The following PARP16 variants were observed in gnomAD, a reference collection of about 807,000 sequenced individuals.
The protein encoded by PARP16 is protein mono-ADP-ribosyltransferase PARP16.
Under a neutral mutation model 35.0 loss-of-function variants are expected in PARP16, and 31 were observed. The ratio of observed to expected loss-of-function variants is 0.88; its 90% CI spans 0.66 to 1.19. The LOEUF (loss-of-function observed/expected upper bound fraction) is 1.19. PARP16 is among the 50% of genes most tolerant of loss of function. PARP16 has a pLI of 0.00. For synonymous variants in PARP16, 162 were observed against 169.5 expected (o/e 0.96, Z 0.34); for missense variants, 424 against 411.2 (o/e 1.03, Z -0.27).
chr15:65,274,099 T>G lies in PARP16; in HGVS notation c.175-3027A>C, dbSNP rs139478419. Among the ~76,000 whole-genome samples the G allele has an allele frequency of 4.7e-3, 682 of 145,904 alleles. 6 individuals carry two copies. The highest frequency in any genetic ancestry group is 0.013 in the Admixed American group (194 of 14,696). On this transcript the variant is annotated intron_variant, in intron 1 of 5. Coordinates refer to ENST00000649807, the MANE Select transcript of PARP16 (RefSeq NM_001316943.2). ...CTGGGACTATAGGCACATGCCGCCA[T>G]GCCCAGCTAATTTTTTTTATTTTTA... is the stretch of plus-strand genomic sequence containing the variant.
Position 65,262,745 on chromosome 15 carries a change from G to A in PARP16, c.691+404C>T, listed in dbSNP as rs115215016. Among the ~76,000 whole-genome samples, 207 of 152,100 alleles carry A rather than the reference G, an allele frequency of 1.4e-3. 2 individuals carry two copies. The highest frequency in any genetic ancestry group is 0.012 in the South Asian group (60 of 4,822). Reference sequence around the variant, plus strand: ...ATACCAAGGCTTTCTGCCGATACCCGGTGCCCAAGAATGAATGAGATCTCA... The same window carrying A: ...ATACCAAGGCTTTCTGCCGATACCCAGTGCCCAAGAATGAATGAGATCTCA... On this transcript the variant is annotated intron_variant, in intron 4 of 5. Transcript: ENST00000649807.
intron 3 of PARP16, among the ~76,000 whole-genome samples, chr15:65,236,283 C>A (rs992184469): frequency 1.3e-5 from 2 of 152,182 alleles, no homozygotes; most frequent in African/African-American, 4.8e-5. Context: ...TAGAGCCAAA[C>A]ATTAATAAAA....
chr15:65,252,749 G>A (rs545937942), intron 2 of PARP16, among the ~76,000 whole-genome samples: 3 of 152,284 alleles, frequency 2.0e-5, no homozygotes, highest in Admixed American at 6.5e-5. Flanking sequence ...TCTTAGGGAG[G>A]CTTTGTTATC....
chr15:65,241,139 C>CT (rs34888317), intron 3 of PARP16, among the ~76,000 whole-genome samples: 98 of 127,750 alleles, frequency 7.7e-4, no homozygotes, highest in African/African-American at 2.2e-3. Flanking sequence ...CCTGTCCAAA[C>CT]TTTTTTTTTT....
Position 65,286,566 on chromosome 15 carries a change from G to C in PARP16, c.-140C>G, listed in dbSNP as rs1406644817. The C allele has an allele frequency of 1.7e-6, 1 of 584,994 alleles. No homozygotes were observed. The highest frequency in any genetic ancestry group is 2.0e-5 in the African/African-American group (1 of 50,254). 36.2% of individuals were successfully genotyped at this position (584,994 alleles called of 1,614,324 possible). A position where few individuals can be genotyped will look rare whatever the true frequency, so the allele number is the denominator to read the frequency against. On this transcript the variant is annotated 5_prime_UTR_variant, in exon 1 of 6. Transcript: ENST00000649807. ...AGCCTGGGGTGGAGCTAGGCAGGGG[G>C]CTGAGATGACAGGGGTGAGAACGTG...
Position 65,277,959 on chromosome 15 carries a change from GGC to G in PARP16, c.175-6889_175-6888del, listed in dbSNP as rs537698509. On this transcript the variant is annotated intron_variant, in intron 1 of 5. Transcript: ENST00000649807. ...CATTCTGAATCACACATCAGTACAT[GGC>G]AGTGGAAGGCATTTGCCAACTGGAT... is the stretch of plus-strand genomic sequence containing the variant. Among the ~76,000 whole-genome samples, 11 of 152,304 alleles carry G rather than the reference GGC, an allele frequency of 7.2e-5. No homozygotes were observed. The South Asian group carries it at 2.1e-3, about 29-fold the overall frequency.
In PARP16 at chr15:65,259,767, T is replaced by C. The variant is rs111467724; in HGVS notation, c.834-225A>G. On this transcript the variant is annotated intron_variant, in intron 5 of 5. Coordinates refer to ENST00000649807, the MANE Select transcript of PARP16 (RefSeq NM_001316943.2). ...TTTTCTAAATGCGCAAAGACAGCTATGCAATGAGCTCATCCTGATCTTCCC... is the reference window on the plus strand; with the variant it reads ...TTTTCTAAATGCGCAAAGACAGCTACGCAATGAGCTCATCCTGATCTTCCC... Among the ~76,000 whole-genome samples, 1,322 of 152,342 alleles carry C rather than the reference T, an allele frequency of 8.7e-3. 7 individuals carry two copies. Among genetic ancestry groups the C allele is most frequent in the Non-Finnish European group, 0.014 (975 of 68,032 alleles).
At chr15:65,266,934 C>T (rs1315051464) in intron 2 of PARP16, among the ~76,000 whole-genome samples, 166 bp from the exon 3 acceptor site, 1 of 152,164 alleles carries the variant, frequency 6.6e-6, no homozygotes, top group African/African-American at 2.4e-5. Context: ...TAGCACAAGA[C>T]TGCTTTCTTT....
chr15:65,248,540 C>T (rs761116676), intron 2 of PARP16, among the ~76,000 whole-genome samples: 45 of 152,200 alleles, frequency 3.0e-4, no homozygotes, highest in Middle Eastern at 3.4e-3. Context: ...TACTTTCTAC[C>T]GAGGAACAGC....
rs754493217 is a variant in PARP16, at chr15:65,263,083, G to A, written c.691+66C>T. ...CAATGGGTGCTCTACCCAACAGCTG[G>A]GCCAGCAAGAGCCTGTACACCCAAC... On this transcript the variant is annotated intron_variant, in intron 4 of 5. Transcript: ENST00000649807. The A allele has an allele frequency of 1.1e-4, 155 of 1,465,528 alleles. 1 individual carries two copies. The highest frequency in any genetic ancestry group is 1.3e-4 in the Non-Finnish European group (141 of 1,060,672). The allele number at this position is 1,465,528 out of a possible 1,614,324, so 90.8% of individuals were successfully genotyped here. A position where few individuals can be genotyped will look rare whatever the true frequency, so the allele number is the denominator to read the frequency against.
rs1454353307 is a variant in PARP16 at position 65,273,296 on chromosome 15, A to AAAAAAAAAAAAAC, written c.175-2225_175-2224insGTTTTTTTTTTTT. ...TGTCTCAAAAAAAAAAAAAAAAAAG[A>AAAAAAAAAAAAAC]ATACCTGTGGTTCTTTTCCATTTTT... On this transcript the variant is annotated intron_variant, in intron 1 of 5. Coordinates refer to ENST00000649807, the MANE Select transcript of PARP16 (RefSeq NM_001316943.2). Among the ~76,000 whole-genome samples, 2 of 148,942 alleles carry AAAAAAAAAAAAAC rather than the reference A, an allele frequency of 1.3e-5. 1 individual carries two copies. Among genetic ancestry groups the AAAAAAAAAAAAAC allele is most frequent in the Non-Finnish European group, 3.0e-5 (2 of 67,086 alleles).
At chr15:65,233,672 G>A (rs2088811719), downstream of PARP16, among the ~76,000 whole-genome samples, 1 of 149,724 alleles carries the variant, frequency 6.7e-6, no homozygotes, top group Admixed American at 6.6e-5. Context: ...GGAGGTGGAG[G>A]TTGCAGTGAG....
intron 4 of PARP16, among the ~76,000 whole-genome samples, chr15:65,262,817 T>TA (rs966472100): frequency 2.0e-5 from 3 of 152,246 alleles, no homozygotes; most frequent in Middle Eastern, 3.4e-3. Flanking sequence ...ACTCACTTTT[T>TA]AAAAAAATTC....
intron 2 of PARP16, among the ~76,000 whole-genome samples, chr15:65,249,867 CAGG>C (rs376506419): frequency 9.9e-5 from 15 of 152,190 alleles, no homozygotes; most frequent in African/African-American, 3.6e-4. Context: ...GGGAAGGTTA[CAGG>C]AGATGAGCTC....
rs146934255 is a variant in PARP16 at position 65,275,294 on chromosome 15, G to A, written c.175-4222C>T. On this transcript the variant is annotated intron_variant, in intron 1 of 5. Transcript: ENST00000649807. The stretch of plus-strand genomic sequence containing the variant: ...TATGAAACCACAGAAGTATAAAAGC[G>A]CAGCATGTAGCTGGGGAAGTGGGTG... Among the ~76,000 whole-genome samples the A allele has an allele frequency of 1.3e-3, 202 of 152,280 alleles. 2 individuals are homozygous for A. The highest frequency in any genetic ancestry group is 3.4e-3 in the Middle Eastern group (1 of 294).
At chr15:65,283,719 T>C (rs906526589) in intron 1 of PARP16, among the ~76,000 whole-genome samples, 3 of 152,186 alleles carry the variant, frequency 2.0e-5, no homozygotes, top group Non-Finnish European at 4.4e-5. Flanking sequence ...GTACGGCGCT[T>C]ACCTAGTATG....
chr15:65,283,744 T>G (rs1333750602), intron 1 of PARP16, among the ~76,000 whole-genome samples: 1 of 152,178 alleles, frequency 6.6e-6, no homozygotes, highest in Non-Finnish European at 1.5e-5. Flanking sequence ...GTTAACACTG[T>G]TAACCTCTCC....
downstream of PARP16, among the ~76,000 whole-genome samples, chr15:65,233,513 C>T (rs1486245489): frequency 1.3e-5 from 2 of 152,142 alleles, no homozygotes; most frequent in African/African-American, 4.8e-5. Context: ...CCAGGGCAGG[C>T]AGATCACTTG....
At chr15:65,262,137 T>TC (rs972318379) in intron 4 of PARP16, among the ~76,000 whole-genome samples, 1 of 149,044 alleles carries the variant, frequency 6.7e-6, no homozygotes, top group African/African-American at 2.4e-5. Context: ...TTTCTTTCTT[T>TC]TTTTTTTTTT....
Sources: allele counts gnomAD v4.1 joint callset (sites outside exome capture counted in the v4.1 genomes callset), GRCh38; gene constraint gnomAD v4.1.1; transcripts MANE v1.5; gene names NCBI Gene and HGNC (gene_info 2026-07-23, HGNC 2026-07-21).